Variants in ARHGEF10 observed in about 807,000 individuals in gnomAD.
ARHGEF10 encodes the protein Rho guanine nucleotide exchange factor 10, also known as Rho guanine nucleotide exchange factor (GEF) 10.
A neutral mutation model predicts 147.4 loss-of-function variants in ARHGEF10; 140 were observed. The ratio of observed to expected loss-of-function variants is 0.95; its 90% CI spans 0.83 to 1.09. The LOEUF (loss-of-function observed/expected upper bound fraction) is 1.09, where lower values mean the gene tolerates loss of function less well. Ranked by LOEUF, ARHGEF10 falls within the 50% of genes least tolerant of loss-of-function variation. ARHGEF10 has a pLI of 0.00. For synonymous variants in ARHGEF10, 902 were observed against 695.8 expected (o/e 1.30, Z -4.67); for missense variants, 2,222 against 1,752.7 (o/e 1.27, Z -4.78).
At chr8:1,932,396 C>T (rs1158375641) in intron 25 of ARHGEF10, among the ~76,000 whole-genome samples, 1 of 152,020 alleles carries the variant, frequency 6.6e-6, no homozygotes, top group Non-Finnish European at 1.5e-5. Context: ...ACGTGTGTGT[C>T]CCTGTGTGCA....
chr8:1,921,151 T>C (rs1213232734), intron 18 of ARHGEF10, among the ~76,000 whole-genome samples: 6 of 152,220 alleles, frequency 3.9e-5, no homozygotes, highest in Non-Finnish European at 8.8e-5. Context: ...GTCTAGATAG[T>C]TGATACAAAT....
intron 26 of ARHGEF10, among the ~76,000 whole-genome samples, chr8:1,938,664 G>C (rs899357755): frequency 1.3e-5 from 2 of 152,154 alleles, no homozygotes; most frequent in African/African-American, 4.8e-5. Context: ...AAGCGGGCAC[G>C]GTGGCTCACA....
At position 1,853,227 on chromosome 8, in the gene ARHGEF10, C is replaced by G. The variant is rs531533011; in HGVS notation, c.38-4733C>G. 3.4e-3 allele frequency among the ~76,000 whole-genome samples: 517 copies of G among 152,320 alleles called. 5 individuals carry two copies. The highest frequency in any genetic ancestry group is 4.9e-3 in the Non-Finnish European group (330 of 68,034). On this transcript the variant is annotated intron_variant, in intron 2 of 28. Coordinates refer to ENST00000349830, the MANE Select transcript of ARHGEF10 (RefSeq NM_014629.4). Reference sequence around the variant, plus strand: ...AGTGGGCAGGAGGGGCACAGAGCCTCTCCCTAGGTGCAGCCCTGCCCAGGC... The same window carrying G: ...AGTGGGCAGGAGGGGCACAGAGCCTGTCCCTAGGTGCAGCCCTGCCCAGGC...
intron 28 of ARHGEF10, among the ~76,000 whole-genome samples, chr8:1,955,436 G>GT (rs1364909488): frequency 6.8e-6 from 1 of 146,402 alleles, no homozygotes; most frequent in Non-Finnish European, 1.5e-5. Context: ...CTGAAAGGAG[G>GT]TGCACTCTCA....
rs548765444 is a variant in ARHGEF10, at chr8:1,856,695, G to C, written c.38-1265G>C. On this transcript the variant is annotated intron_variant, in intron 2 of 28. Coordinates refer to ENST00000349830, the MANE Select transcript of ARHGEF10 (RefSeq NM_014629.4). ...GCCTGCAGCCGAGCTGGGCCGTCCTGCTTGGGTGCATCTCCCTGGCCCACG... is the reference window on the plus strand; with the variant it reads ...GCCTGCAGCCGAGCTGGGCCGTCCTCCTTGGGTGCATCTCCCTGGCCCACG... 2.0e-4 allele frequency among the ~76,000 whole-genome samples: 31 copies of C among 152,316 alleles called. 2 individuals carry two copies. The highest frequency in any genetic ancestry group is 6.8e-3 in the Middle Eastern group (2 of 294).
chr8:1,894,096 C>T (rs1284401035), intron 12 of ARHGEF10, among the ~76,000 whole-genome samples: 3 of 151,832 alleles, frequency 2.0e-5, no homozygotes, highest in African/African-American at 7.3e-5. Context: ...ATTGCTTGAA[C>T]CCGGGAGGCA....
rs1585369731 is a variant in ARHGEF10 at position 1,880,033 on chromosome 8, C to T, written c.844-15C>T. 1 of 1,558,036 alleles carries T rather than the reference C, an allele frequency of 6.4e-7. No homozygotes were observed. Reference sequence around the variant, plus strand: ...GAGCCTTTTTGTGAAAAGACTGTGTCTCTTTATGCTGTAGCTTTCTCATGA... The same window carrying T: ...GAGCCTTTTTGTGAAAAGACTGTGTTTCTTTATGCTGTAGCTTTCTCATGA... On this transcript the variant is annotated splice_polypyrimidine_tract_variant and intron_variant, in intron 8 of 28. Transcript: ENST00000349830.
At chr8:1,949,434 T>G (rs965635890) in intron 27 of ARHGEF10, among the ~76,000 whole-genome samples, 1 of 151,724 alleles carries the variant, frequency 6.6e-6, no homozygotes, top group Non-Finnish European at 1.5e-5. Flanking sequence ...TATAAAGGAG[T>G]AGAGTTTACA....
chr8:1,940,141 AG>A (rs1813967937), intron 26 of ARHGEF10, among the ~76,000 whole-genome samples: 1 of 152,184 alleles, frequency 6.6e-6, no homozygotes, highest in Non-Finnish European at 1.5e-5. Flanking sequence ...AAGAGTCAAA[AG>A]CCCGAGGAAA....
intron 25 of ARHGEF10, among the ~76,000 whole-genome samples, 192 bp downstream of exon 25, chr8:1,929,635 G>A (rs895325014): frequency 6.6e-6 from 1 of 152,050 alleles, no homozygotes. Context: ...TGAATATACA[G>A]ACATCTTTCA....
Position 1,864,388 on chromosome 8 carries a change from C to A in ARHGEF10, c.497C>A (p.Thr166Lys). Residue 166 changes from threonine (T) to lysine (K), a missense_variant, in exon 5 of 29, where the codon ACA becomes AAA. Transcript: ENST00000349830. ...SLDEEETPEV[T>K]EDRQPNSLSS... is the part of the protein sequence containing the mutation. ...TTCCCAGCAGAAACACCAGAAGTCA[C>A]AGAAGATCGCCAGCCCAATTCTCTG... 6.2e-7 allele frequency: 1 copy of A among 1,614,178 alleles called. No homozygotes were observed. The highest frequency in any genetic ancestry group is 2.2e-5 in the East Asian group (1 of 44,870).
At chr8:1,902,922 G>T (rs1352690512) in intron 15 of ARHGEF10, among the ~76,000 whole-genome samples, 1 of 152,160 alleles carries the variant, frequency 6.6e-6, no homozygotes, top group Non-Finnish European at 1.5e-5. Flanking sequence ...AAAGTAGCTG[G>T]ACCCATCTGT....
intron 4 of ARHGEF10, among the ~76,000 whole-genome samples, chr8:1,860,528 C>G (rs918974876): frequency 6.6e-6 from 1 of 152,192 alleles, no homozygotes; most frequent in Non-Finnish European, 1.5e-5. Context: ...TTCCCCCTGC[C>G]CCCACCCAGG....
chr8:1,955,990 T>C (rs1220040128), intron 28 of ARHGEF10, among the ~76,000 whole-genome samples: 1 of 152,232 alleles, frequency 6.6e-6, no homozygotes, highest in African/African-American at 2.4e-5. Context: ...AGTGATGTCA[T>C]TTGCCTTGGC....
rs1283260436 is a variant in ARHGEF10 at position 1,937,472 on chromosome 8, T to A, written c.3222+3530T>A. ...GGGTAATTCCCCTTTCTCAGGCTGC[T>A]TGTAATTTATATGCTGTAAATCTCG... On this transcript the variant is annotated intron_variant, in intron 26 of 28. Coordinates refer to ENST00000349830, the MANE Select transcript of ARHGEF10 (RefSeq NM_014629.4). This position sits in a 1 kb window ranked among gnomAD's most constrained non-coding sequence, Gnocchi z 4.9. 1.3e-5 allele frequency among the ~76,000 whole-genome samples: 2 copies of A among 152,224 alleles called. No homozygotes were observed. The highest frequency in any genetic ancestry group is 4.8e-5 in the African/African-American group (2 of 41,458).
chr8:1,927,813 A>G (rs1812801971), intron 23 of ARHGEF10, among the ~76,000 whole-genome samples: 1 of 152,178 alleles, frequency 6.6e-6, no homozygotes, highest in South Asian at 2.1e-4. Flanking sequence ...TGGTGGCACG[A>G]GCCTATAGTC....
At chr8:1,930,903 T>C (rs954621869) in intron 25 of ARHGEF10, among the ~76,000 whole-genome samples, 2 of 152,252 alleles carry the variant, frequency 1.3e-5, no homozygotes, top group African/African-American at 4.8e-5. Context: ...TGCTGATCCC[T>C]GGCCGATCCC....
chr8:1,826,034 C>T, intron 1 of ARHGEF10: 6 of 1,334,330 alleles, frequency 4.5e-6, no homozygotes, highest in Non-Finnish European at 6.3e-6. Context: ...TTGTCCCTGT[C>T]TGTCTCTCAC....
chr8:1,861,721 G>A (rs550503006), intron 4 of ARHGEF10, among the ~76,000 whole-genome samples: 2 of 152,278 alleles, frequency 1.3e-5, no homozygotes, highest in Non-Finnish European at 2.9e-5. Flanking sequence ...GCGTTTTCCT[G>A]TTGAAGTCGG....
Sources: allele counts gnomAD v4.1 joint callset (sites outside exome capture counted in the v4.1 genomes callset), GRCh38; gene constraint gnomAD v4.1.1; non-coding constraint Gnocchi (gnomAD v3.1); transcripts MANE v1.5; gene names NCBI Gene and HGNC (gene_info 2026-07-23, HGNC 2026-07-21).